The following IRAK1BP1 variants were observed in gnomAD, a reference collection of about 807,000 sequenced individuals.
IRAK1BP1 encodes interleukin-1 receptor-associated kinase 1-binding protein 1.
IRAK1BP1 carries 24 observed loss-of-function variants against 28.0 expected under a neutral mutation model. That is an observed-to-expected ratio of 0.86 (90% CI 0.62 to 1.20). IRAK1BP1 has a LOEUF of 1.20. Among genes scored for constraint, IRAK1BP1 ranks in the 50% most tolerant of loss-of-function variants. The probability of loss-of-function intolerance (pLI) is 0.00; values close to 1 mark genes in which losing one functional copy is unlikely to be tolerated. For synonymous variants in IRAK1BP1, 131 were observed against 116.3 expected (o/e 1.13, Z -0.81); for missense variants, 336 against 316.7 (o/e 1.06, Z -0.46).
chr6:78,976,203 C>T, the IRAK1BP1 span, among the ~76,000 whole-genome samples: 13 of 149,062 alleles, frequency 8.7e-5, no homozygotes, highest in Middle Eastern at 0.01. Flanking sequence ...CAGAACAGAG[C>T]CCTCAGAAAT....
downstream of IRAK1BP1, among the ~76,000 whole-genome samples, chr6:78,948,397 A>G (rs1416759671): frequency 6.6e-6 from 1 of 152,222 alleles, no homozygotes; most frequent in East Asian, 1.9e-4. Flanking sequence ...AAAAACACAC[A>G]CGTGAAACAG....
rs1050075670 is a variant in IRAK1BP1, at chr6:78,872,150, C to A, written c.315+4259C>A. 5 of 698,996 alleles carry A rather than the reference C, an allele frequency of 7.2e-6. No individual in the cohort carries two copies. In the African/African-American group the frequency reaches 8.8e-5, roughly 12 times the overall value. 43.3% of individuals were successfully genotyped at this position (698,996 alleles called of 1,614,324 possible). ...ATAATTCTGAGGTATGTGTTCCACC[C>A]TGGTTCCTAGAGTTTCTCTGCAGGA... On this transcript the variant is annotated intron_variant, in intron 1 of 3. Transcript: ENST00000369940.
At chr6:78,924,771 A>C (rs1427471253) in intron 4 of IRAK1BP1, among the ~76,000 whole-genome samples, 13 of 152,230 alleles carry the variant, frequency 8.5e-5, no homozygotes, top group African/African-American at 3.1e-4. Context: ...AATATATGCA[A>C]ATCAACAAAT....
Position 78,885,397 on chromosome 6 carries a change from C to G in IRAK1BP1, c.335C>G (p.Thr112Arg), listed in dbSNP as rs367968765. The change falls in exon 2 of 4, where the codon ACA (threonine) becomes AGA (arginine). Residue 112 changes from threonine (T) to arginine (R), a missense_variant. Coordinates refer to ENST00000369940, the MANE Select transcript of IRAK1BP1 (RefSeq NM_001010844.4). ...QGVQAENITV[T>R]KDFRRVENAY... ...TTTCAGGCAGAAAATATAACTGTGA[C>G]AAAGGATTTTAGGAGAGTGGAAAAT... The G allele has an allele frequency of 3.9e-5, 61 of 1,582,822 alleles. No homozygotes were observed. Among genetic ancestry groups the G allele is most frequent in the Non-Finnish European group, 4.4e-5 (51 of 1,157,658 alleles).
rs369108192 is a variant in IRAK1BP1, at chr6:78,923,245, G to GA, written c.*67+20145dup. On this transcript the variant is annotated intron_variant and NMD_transcript_variant, in intron 4 of 4. Coordinates refer to the IRAK1BP1 transcript ENST00000606868. ...AGGAGGAAGATCTACCAAGCACATG[G>GA]AAAAAAAAAAGGGCAGGGGTTTCAA... Among the ~76,000 whole-genome samples, 207 of 146,352 alleles carry GA rather than the reference G, an allele frequency of 1.4e-3. 1 individual carries two copies. The highest frequency in any genetic ancestry group is 3.9e-3 in the African/African-American group (156 of 39,814).
At chr6:78,882,778 T>C (rs1358347810) in intron 1 of IRAK1BP1, among the ~76,000 whole-genome samples, 2 of 152,136 alleles carry the variant, frequency 1.3e-5, no homozygotes, top group African/African-American at 2.4e-5. Context: ...ATAGAAAAAC[T>C]GGTGAAATCC....
the IRAK1BP1 span, chr6:78,965,652 T>C: frequency 1.0e-6 from 1 of 1,004,192 alleles, no homozygotes; most frequent in African/African-American, 1.6e-5. Flanking sequence ...AAATAATTTC[T>C]TAAGAAATTA....
At chr6:78,911,698 T>C (rs1248567118) in intron 4 of IRAK1BP1, among the ~76,000 whole-genome samples, 1 of 152,190 alleles carries the variant, frequency 6.6e-6, no homozygotes, top group Non-Finnish European at 1.5e-5. Context: ...TTTATCTCAC[T>C]TCATTCCCAG....
At chr6:78,878,828 C>T (rs968622352) in intron 1 of IRAK1BP1, among the ~76,000 whole-genome samples, 1 of 152,172 alleles carries the variant, frequency 6.6e-6, no homozygotes, top group Non-Finnish European at 1.5e-5. Context: ...AGCTGAAAAC[C>T]ATGGCACAAG....
At chr6:78,961,691 T>C in the IRAK1BP1 span, 1 of 1,611,650 alleles carries the variant, frequency 6.2e-7, no homozygotes, top group Non-Finnish European at 8.5e-7. Flanking sequence ...GGTTCTAACC[T>C]GTAAAACCTG....
chr6:78,882,337 AAGT>A (rs1398314323), intron 1 of IRAK1BP1, among the ~76,000 whole-genome samples: 1 of 152,172 alleles, frequency 6.6e-6, no homozygotes, highest in Non-Finnish European at 1.5e-5. Context: ...AAAAGAAATA[AAGT>A]AGTATTTATT....
intron 4 of IRAK1BP1, among the ~76,000 whole-genome samples, chr6:78,923,287 A>C (rs1029638055): frequency 6.6e-6 from 1 of 152,152 alleles, no homozygotes; most frequent in Admixed American, 6.5e-5. Context: ...ATTCTGATAA[A>C]ACAGACTTTA....
intron 1 of IRAK1BP1, among the ~76,000 whole-genome samples, chr6:78,869,115 T>C (rs992107395): frequency 6.6e-6 from 1 of 152,216 alleles, no homozygotes; most frequent in African/African-American, 2.4e-5. Context: ...GTTTAATATG[T>C]AGAAAAATAG....
chr6:78,939,774 T>A (rs527516661), intron 4 of IRAK1BP1: 3 of 152,452 alleles, frequency 2.0e-5, no homozygotes, highest in Admixed American at 6.5e-5. Context: ...TTTAACCACT[T>A]AAACATTTCC....
chr6:78,895,651 C>G (rs1326859813), intron 2 of IRAK1BP1, among the ~76,000 whole-genome samples: 1 of 152,128 alleles, frequency 6.6e-6, no homozygotes, highest in African/African-American at 2.4e-5. Context: ...ACATGATTAT[C>G]TCAATAGATA....
At chr6:78,894,438 A>C (rs1771807307) in intron 2 of IRAK1BP1, among the ~76,000 whole-genome samples, 1 of 152,196 alleles carries the variant, frequency 6.6e-6, no homozygotes, top group Non-Finnish European at 1.5e-5. Context: ...TGGCTATAGT[A>C]ATCAAAGTAG....
At chr6:78,892,377 T>C (rs1771693011) in intron 2 of IRAK1BP1, among the ~76,000 whole-genome samples, 1 of 152,198 alleles carries the variant, frequency 6.6e-6, no homozygotes, top group Non-Finnish European at 1.5e-5. Context: ...ATTTGCATCA[T>C]ATTGTTCCCT....
At chr6:78,965,691 A>G in the IRAK1BP1 span, 2 of 1,467,308 alleles carry the variant, frequency 1.4e-6, no homozygotes, top group East Asian at 2.3e-5. Context: ...AAAAAGCCTA[A>G]CACACACTTA....
intron 4 of IRAK1BP1, among the ~76,000 whole-genome samples, chr6:78,922,199 T>C (rs957502870): frequency 1.3e-5 from 2 of 152,074 alleles, no homozygotes; most frequent in African/African-American, 4.8e-5. Flanking sequence ...GAATGGCTAA[T>C]TAGAATAACC....
Sources: allele counts gnomAD v4.1 joint callset (sites outside exome capture counted in the v4.1 genomes callset), GRCh38; gene constraint gnomAD v4.1.1; transcripts MANE v1.5; gene names NCBI Gene and HGNC (gene_info 2026-07-23, HGNC 2026-07-21).